ABCA13: variants seen among roughly 807,000 people sequenced by gnomAD.
ABCA13 encodes the protein ATP-binding cassette sub-family A member 13.
In ABCA13, 476 loss-of-function variants were observed where a neutral mutation model predicts 478.7. The observed-to-expected ratio is 0.99, with a 90% CI of 0.92 to 1.07. ABCA13 has a LOEUF of 1.07. Among genes scored for constraint, ABCA13 ranks in the 50% least tolerant of loss-of-function variants. The pLI is 0.00. For missense variants in ABCA13, 6,060 were observed against 5,910.6 expected, an observed-to-expected ratio of 1.03 and a Z score of -0.83; for synonymous variants, 2,252 against 2,158.9, an observed-to-expected ratio of 1.04 and a Z score of -1.20.
chr7:48,297,238 C>G lies in ABCA13; in HGVS notation c.9126C>G (p.Ala3042=). The change falls in exon 22 of 62, where the codon GCC becomes GCG. Residue 3042 remains alanine, a synonymous_variant. Coordinates refer to ENST00000435803, the MANE Select transcript of ABCA13 (RefSeq NM_152701.5). ...TAATTTTCTGCCATTTTAGGTTGGC[C>G]AAAAGCCTCGAGGAAACTTGGTCAT... The part of the protein sequence containing the change: ...ETVQQHLYML[A]KSLEETWSSG... 1 of 1,603,414 alleles carries G rather than the reference C, an allele frequency of 6.2e-7. No homozygotes were observed. The highest frequency in any genetic ancestry group is 2.2e-5 in the East Asian group (1 of 44,648).
Position 48,647,358 on chromosome 7 carries a change from C to T in ABCA13, c.*1846C>T, listed in dbSNP as rs544728976. On this transcript the variant is annotated 3_prime_UTR_variant, in exon 62 of 62. Transcript: ENST00000435803. The stretch of plus-strand genomic sequence containing the variant: ...ACAGTTTATGGCTGTATGATTTATT[C>T]TCTAATTCTAACATAGTCTAGTTGT... 6.6e-6 allele frequency: 1 copy of T among 152,216 alleles called. No individual in the cohort carries two copies. Among genetic ancestry groups the T allele is most frequent in the East Asian group, 1.9e-4 (1 of 5,188 alleles). 9.4% of individuals were successfully genotyped at this position (152,216 alleles called of 1,614,324 possible). A position where few individuals can be genotyped will look rare whatever the true frequency, so the allele number is the denominator to read the frequency against.
At chr7:48,383,787 C>T (rs1329692587) in intron 35 of ABCA13, among the ~76,000 whole-genome samples, 2 of 152,194 alleles carry the variant, frequency 1.3e-5, no homozygotes, top group African/African-American at 4.8e-5. Flanking sequence ...TTTTTCCAGA[C>T]AGTTTTCTGC....
chr7:48,277,570 C>A (rs1188550661), intron 17 of ABCA13, among the ~76,000 whole-genome samples: 1 of 152,192 alleles, frequency 6.6e-6, no homozygotes, highest in Non-Finnish European at 1.5e-5. Context: ...TAACTCCCAT[C>A]TATCCTAGAA....
intron 31 of ABCA13, among the ~76,000 whole-genome samples, chr7:48,367,360 G>A (rs1811838496): frequency 6.6e-6 from 1 of 152,144 alleles, no homozygotes; most frequent in African/African-American, 2.4e-5. Flanking sequence ...TGAGTGTTAG[G>A]AAAATAGAAA....
chr7:48,629,413 ACT>A (rs1175443580), intron 59 of ABCA13, among the ~76,000 whole-genome samples: 2 of 151,970 alleles, frequency 1.3e-5, no homozygotes, highest in Non-Finnish European at 2.9e-5. Context: ...AGCTTTTCTT[ACT>A]CTGAGTTCAA....
chr7:48,440,278 A>T (rs1373623658), intron 42 of ABCA13, among the ~76,000 whole-genome samples: 3 of 152,144 alleles, frequency 2.0e-5, no homozygotes. Context: ...CTCCAGGTCA[A>T]ATCCCTCCTC....
intron 50 of ABCA13, among the ~76,000 whole-genome samples, chr7:48,508,541 CA>C (rs1831410923): frequency 6.6e-6 from 1 of 152,104 alleles, no homozygotes; most frequent in Non-Finnish European, 1.5e-5. Flanking sequence ...GGGACAATAA[CA>C]GATGCTTTGT....
intron 3 of ABCA13, among the ~76,000 whole-genome samples, chr7:48,214,132 T>A (rs1786086750): frequency 6.6e-6 from 1 of 152,196 alleles, no homozygotes; most frequent in African/African-American, 2.4e-5. Flanking sequence ...AAAACATTAA[T>A]CTCCTTGTAC....
In ABCA13 at chr7:48,367,670, C is replaced by T. The variant is rs565749267; in HGVS notation, c.10689-124C>T. 45 of 723,746 alleles carry T rather than the reference C, an allele frequency of 6.2e-5. 1 individual carries two copies. The Middle Eastern group carries it at 1.1e-3, about 18-fold the overall frequency. The allele number at this position is 723,746 out of a possible 1,614,324, so 44.8% of individuals were successfully genotyped here. A position where few individuals can be genotyped will look rare whatever the true frequency, so the allele number is the denominator to read the frequency against. On this transcript the variant is annotated intron_variant, in intron 31 of 61. Transcript: ENST00000435803. ...ATGGCCCTCCTACCTAAGTCACAGGCATGTAGAAATGACCAAAGGAGATAT... is the reference window on the plus strand; with the variant it reads ...ATGGCCCTCCTACCTAAGTCACAGGTATGTAGAAATGACCAAAGGAGATAT...
At chr7:48,212,120 C>T (rs1050416093) in intron 3 of ABCA13, among the ~76,000 whole-genome samples, 1 of 152,190 alleles carries the variant, frequency 6.6e-6, no homozygotes, top group Admixed American at 6.5e-5. Context: ...TTGGATACCT[C>T]TTGCTGTGGC....
intron 41 of ABCA13, among the ~76,000 whole-genome samples, chr7:48,420,178 A>G (rs1012707459): frequency 6.6e-6 from 1 of 152,216 alleles, no homozygotes. Flanking sequence ...TCTCCAGTTG[A>G]GCTCTTCAGC....
chr7:48,293,204 C>G (rs577412463), intron 20 of ABCA13, among the ~76,000 whole-genome samples: 2 of 131,446 alleles, frequency 1.5e-5, no homozygotes, highest in Non-Finnish European at 3.3e-5. Flanking sequence ...CCCCCCCCCG[C>G]CACACACACA....
chr7:48,443,149 C>T (rs1211216340), intron 42 of ABCA13, among the ~76,000 whole-genome samples: 1 of 152,114 alleles, frequency 6.6e-6, no homozygotes. Context: ...AGAAACCAAC[C>T]CTGCCCACAC....
rs191798502 is a variant in ABCA13, at chr7:48,242,719, G to A, written c.1262+1653G>A. 1.5e-3 allele frequency among the ~76,000 whole-genome samples: 226 copies of A among 152,288 alleles called. 1 individual carries two copies. Among genetic ancestry groups the A allele is most frequent in the African/African-American group, 5.1e-3 (212 of 41,536 alleles). ...CTCCCAAAGTGCCGGAATTCCAGGC[G>A]TGAGCCACCGCAGCTGGCCACCTTC... On this transcript the variant is annotated intron_variant, in intron 10 of 61. Coordinates refer to ENST00000435803, the MANE Select transcript of ABCA13 (RefSeq NM_152701.5).
chr7:48,204,156 A>T (rs1584170089), intron 3 of ABCA13, among the ~76,000 whole-genome samples: 1 of 137,006 alleles, frequency 7.3e-6, no homozygotes, highest in South Asian at 2.3e-4. Flanking sequence ...CTTGTTGCCC[A>T]CGCTGGAGTG....
At chr7:48,238,215 C>T (rs887147087) in intron 8 of ABCA13, among the ~76,000 whole-genome samples, 2 of 152,146 alleles carry the variant, frequency 1.3e-5, no homozygotes, top group Non-Finnish European at 2.9e-5. Flanking sequence ...ATCCCATTCA[C>T]AAGTGTTCAC....
At chr7:48,244,892 A>C (rs1414356007) in intron 11 of ABCA13, among the ~76,000 whole-genome samples, 189 bp downstream of exon 11, 1 of 152,226 alleles carries the variant, frequency 6.6e-6, no homozygotes, top group Non-Finnish European at 1.5e-5. Context: ...AAGGCTAAAT[A>C]AACAATAAGG....
chr7:48,582,290 A>C (rs1372344977), intron 56 of ABCA13, among the ~76,000 whole-genome samples: 2 of 152,134 alleles, frequency 1.3e-5, no homozygotes, highest in Non-Finnish European at 2.9e-5. Context: ...TATAAGATGG[A>C]ATTTCTGGTG....
At chr7:48,202,652 C>A (rs1023864275) in intron 3 of ABCA13, among the ~76,000 whole-genome samples, 8 of 151,388 alleles carry the variant, frequency 5.3e-5, no homozygotes, top group Admixed American at 3.9e-4. Flanking sequence ...AAAGGTTCTC[C>A]AAGGCCCCAC....
Sources: allele counts gnomAD v4.1 joint callset (sites outside exome capture counted in the v4.1 genomes callset), GRCh38; gene constraint gnomAD v4.1.1; transcripts MANE v1.5; gene names NCBI Gene and HGNC (gene_info 2026-07-23, HGNC 2026-07-21).